The following NRG1 variants were observed in gnomAD, a reference collection of about 807,000 sequenced individuals.
NRG1 encodes neuregulin 1.
A neutral mutation model predicts 63.8 loss-of-function variants in NRG1; 18 were observed. That is an observed-to-expected ratio of 0.28 (90% CI 0.19 to 0.42). The LOEUF (loss-of-function observed/expected upper bound fraction) is 0.42, where lower values mean the gene tolerates loss of function less well. NRG1 is among the 10% of genes least tolerant of loss of function. The pLI is 1.00. For missense variants in NRG1, 762 were observed against 814.7 expected (o/e 0.94, Z 0.79); for synonymous variants, 302 against 301.3 (o/e 1.00, Z -0.02).
At chr8:32,055,034 TATGCCACC>T (rs1337535595) in intron 1 of NRG1, among the ~76,000 whole-genome samples, 6 of 151,640 alleles carry the variant, frequency 4.0e-5, no homozygotes, top group African/African-American at 1.5e-4. Flanking sequence ...TCTACAGGCA[TATGCCACC>T]ATGCCTGGCT....
At chr8:31,769,903 G>A (rs899694796) in intron 1 of NRG1, among the ~76,000 whole-genome samples, 22 of 152,132 alleles carry the variant, frequency 1.4e-4, no homozygotes, top group African/African-American at 5.3e-4. Context: ...AACCCTAAGG[G>A]GAAACACTCT....
intron 1 of NRG1, among the ~76,000 whole-genome samples, chr8:32,416,963 G>C (rs1816008466): frequency 6.6e-6 from 1 of 152,138 alleles, no homozygotes; most frequent in Non-Finnish European, 1.5e-5. Context: ...TGAGATACAG[G>C]CATGAAGTCA....
intron 1 of NRG1, among the ~76,000 whole-genome samples, chr8:32,496,432 T>G (rs1428697655): frequency 1.3e-5 from 2 of 152,098 alleles, no homozygotes; most frequent in Non-Finnish European, 2.9e-5. Context: ...AATAATATCT[T>G]TTAAAAAATT....
At chr8:32,568,928 C>T (rs969781267) in intron 1 of NRG1, among the ~76,000 whole-genome samples, 12 of 149,414 alleles carry the variant, frequency 8.0e-5, no homozygotes, top group African/African-American at 3.0e-4. Flanking sequence ...GTAATTCATC[C>T]AAGAGCCATG....
intron 1 of NRG1, among the ~76,000 whole-genome samples, chr8:31,975,385 G>C (rs1807999606): frequency 6.6e-6 from 1 of 152,122 alleles, no homozygotes; most frequent in Admixed American, 6.6e-5. Context: ...AACTGGGGAA[G>C]GGGTTATGTT....
intron 1 of NRG1, among the ~76,000 whole-genome samples, chr8:32,005,132 T>A (rs1260836351): frequency 2.2e-5 from 3 of 138,570 alleles, no homozygotes; most frequent in Admixed American, 7.3e-5. Context: ...GGAGGGAGGA[T>A]GGAAGAGAGG....
At chr8:32,179,422 G>A (rs1461527641) in intron 1 of NRG1, among the ~76,000 whole-genome samples, 1 of 152,160 alleles carries the variant, frequency 6.6e-6, no homozygotes, top group Non-Finnish European at 1.5e-5. Context: ...ATTACCATTT[G>A]TTTCTACTAC....
chr8:32,011,654 C>T (rs1394657247), intron 1 of NRG1, among the ~76,000 whole-genome samples: 1 of 152,058 alleles, frequency 6.6e-6, no homozygotes, highest in Non-Finnish European at 1.5e-5. Flanking sequence ...GTGGACAATT[C>T]TCCTGAGCAC....
chr8:31,654,670 G>A (rs1229315780), intron 1 of NRG1, among the ~76,000 whole-genome samples: 1 of 152,230 alleles, frequency 6.6e-6, no homozygotes, highest in Non-Finnish European at 1.5e-5. Context: ...TAGATGTGTG[G>A]CTTATGCCTG....
At chr8:32,375,392 T>C (rs1331734075) in intron 1 of NRG1, among the ~76,000 whole-genome samples, 1 of 152,208 alleles carries the variant, frequency 6.6e-6, no homozygotes. Context: ...TTTTTATGAA[T>C]AATATACTAA....
chr8:31,671,069 G>T (rs1807089617), intron 1 of NRG1, among the ~76,000 whole-genome samples: 1 of 152,122 alleles, frequency 6.6e-6, no homozygotes, highest in Non-Finnish European at 1.5e-5. Flanking sequence ...TTGGTTTTCT[G>T]TTCCTGTGTT....
intron 10 of NRG1, 59 bp from the exon 11 acceptor site, chr8:32,760,141 T>C (rs1830424803): frequency 6.3e-7 from 1 of 1,587,968 alleles, no homozygotes; most frequent in Non-Finnish European, 8.6e-7. Flanking sequence ...TTCATTTCCA[T>C]TTTTTTGCAT....
intron 1 of NRG1, among the ~76,000 whole-genome samples, chr8:32,290,907 A>ATGTGTG (rs148186950): frequency 8.7e-5 from 13 of 149,854 alleles, no homozygotes; most frequent in South Asian, 2.1e-4. Context: ...GAGACACAGG[A>ATGTGTG]TGTGTGTGTG....
intron 1 of NRG1, among the ~76,000 whole-genome samples, chr8:31,857,370 A>G (rs1237676213): frequency 6.6e-6 from 1 of 152,148 alleles, no homozygotes; most frequent in Admixed American, 6.5e-5. Flanking sequence ...GAGTGACCCG[A>G]TTTTCCAGGT....
chr8:31,776,283 C>T (rs566103253), intron 1 of NRG1, among the ~76,000 whole-genome samples: 1 of 152,280 alleles, frequency 6.6e-6, no homozygotes, highest in African/African-American at 2.4e-5. Flanking sequence ...GTCCTTGTGC[C>T]TCCTAATTCC....
intron 1 of NRG1, among the ~76,000 whole-genome samples, chr8:32,473,709 G>T (rs1304737229): frequency 6.6e-6 from 1 of 152,070 alleles, no homozygotes; most frequent in Non-Finnish European, 1.5e-5. Flanking sequence ...TTAGAGAAAT[G>T]ATCGTGTTCT....
chr8:31,907,248 C>T (rs1832596124), intron 1 of NRG1, among the ~76,000 whole-genome samples: 1 of 151,964 alleles, frequency 6.6e-6, no homozygotes, highest in Admixed American at 6.6e-5. Context: ...GAGGATCCAG[C>T]CTTATTTTTC....
chr8:31,716,987 A>G (rs979885990), intron 1 of NRG1, among the ~76,000 whole-genome samples: 17 of 152,378 alleles, frequency 1.1e-4, no homozygotes, highest in African/African-American at 3.4e-4. Flanking sequence ...CTTACAGTTC[A>G]TGGCTGAAGT....
intron 1 of NRG1, among the ~76,000 whole-genome samples, chr8:31,962,971 A>G (rs1805714956): frequency 6.6e-6 from 1 of 152,216 alleles, no homozygotes; most frequent in Non-Finnish European, 1.5e-5. Flanking sequence ...GACATAACGT[A>G]TCATGTAGAC....
Sources: gnomAD v4.1 joint callset for allele counts (sites outside exome capture counted in the v4.1 genomes callset) on GRCh38, gnomAD v4.1.1 for gene constraint, MANE v1.5 for transcripts, NCBI Gene and HGNC (gene_info 2026-07-23, HGNC 2026-07-21) for gene names.